SPMAP2L: variants seen among roughly 807,000 people sequenced by gnomAD.
SPMAP2L encodes sperm microtubule associated protein 2 like.
chr4:56,605,756 T>C, the SPMAP2L span, among the ~76,000 whole-genome samples: 1,341 of 152,266 alleles, frequency 8.8e-3, 20 homozygotes, highest in African/African-American at 0.03. Context: ...CCCAATTAAC[T>C]GATAAGGTAC....
the SPMAP2L span, among the ~76,000 whole-genome samples, chr4:56,574,024 C>T: frequency 6.6e-6 from 1 of 152,068 alleles, no homozygotes; most frequent in Non-Finnish European, 1.5e-5. Context: ...AGTGGGACTG[C>T]AATTTGAGTT....
chr4:56,593,375 G>A, the SPMAP2L span: 5 of 1,253,562 alleles, frequency 4.0e-6, no homozygotes, highest in African/African-American at 5.9e-5. Context: ...AAATATACTG[G>A]AGTCCTCATT....
the SPMAP2L span, among the ~76,000 whole-genome samples, chr4:56,555,807 G>A: frequency 6.6e-6 from 1 of 151,912 alleles, no homozygotes. Flanking sequence ...TATTAATGCT[G>A]TATCTTGCAA....
At chr4:56,572,996 AC>A in the SPMAP2L span, among the ~76,000 whole-genome samples, 1 of 150,326 alleles carries the variant, frequency 6.7e-6, no homozygotes, top group East Asian at 2.0e-4. Flanking sequence ...AGCCTGGGCG[AC>A]AGAGCAAGAC....
the SPMAP2L span, among the ~76,000 whole-genome samples, chr4:56,578,635 A>G: frequency 6.6e-6 from 1 of 152,198 alleles, no homozygotes; most frequent in Admixed American, 6.5e-5. Flanking sequence ...AAATAGACTG[A>G]AAGTAAAAAA....
At chr4:56,536,009 G>A in the SPMAP2L span, among the ~76,000 whole-genome samples, 3 of 152,224 alleles carry the variant, frequency 2.0e-5, no homozygotes, top group African/African-American at 4.8e-5. Flanking sequence ...ATGCGCACGC[G>A]CAGTTCACGA....
chr4:56,581,759 T>C, the SPMAP2L span, among the ~76,000 whole-genome samples: 1 of 152,218 alleles, frequency 6.6e-6, no homozygotes, highest in Non-Finnish European at 1.5e-5. Context: ...GACAGTTTTC[T>C]CATTTCAAAA....
At chr4:56,595,317 T>G in the SPMAP2L span, 10 of 1,611,898 alleles carry the variant, frequency 6.2e-6, no homozygotes, top group Non-Finnish European at 8.5e-6. Flanking sequence ...GACTCCAGGA[T>G]TATGGATTTC....
At chr4:56,530,729 G>A in the SPMAP2L span, 1 of 1,535,344 alleles carries the variant, frequency 6.5e-7, no homozygotes, top group South Asian at 1.2e-5. Flanking sequence ...GTGACCGATG[G>A]GCAGGTCTCA....
the SPMAP2L span, chr4:56,530,941 T>A: frequency 6.5e-7 from 1 of 1,535,130 alleles, no homozygotes; most frequent in Non-Finnish European, 8.7e-7. Flanking sequence ...CCACGCTCCC[T>A]ATGCGCCCCA....
At chr4:56,603,119 A>T in the SPMAP2L span, 2 of 766,990 alleles carry the variant, frequency 2.6e-6, no homozygotes, top group Non-Finnish European at 4.0e-6. Context: ...ATAATATCAT[A>T]GTACATAACA....
At chr4:56,548,245 T>TA in the SPMAP2L span, among the ~76,000 whole-genome samples, 2 of 152,038 alleles carry the variant, frequency 1.3e-5, no homozygotes, top group African/African-American at 2.4e-5. Flanking sequence ...CTGTTTTTTT[T>TA]ACCTTTCCTG....
At chr4:56,622,178 T>C in the SPMAP2L span, among the ~76,000 whole-genome samples, 110 of 152,376 alleles carry the variant, frequency 7.2e-4, 1 homozygote, top group African/African-American at 2.2e-3. Flanking sequence ...CCTATTAATT[T>C]TTTTACAAAA....
the SPMAP2L span, among the ~76,000 whole-genome samples, chr4:56,574,703 G>A: frequency 6.6e-6 from 1 of 151,936 alleles, no homozygotes; most frequent in Non-Finnish European, 1.5e-5. Context: ...GTAATTGCCA[G>A]GCATGGTGGC....
the SPMAP2L span, among the ~76,000 whole-genome samples, chr4:56,598,959 G>A: frequency 9.0e-3 from 1,363 of 152,076 alleles, 11 homozygotes; most frequent in Middle Eastern, 0.044. Flanking sequence ...CCCTTCGCTG[G>A]GCTCTTACGG....
chr4:56,579,502 G>A, the SPMAP2L span, among the ~76,000 whole-genome samples: 1 of 152,044 alleles, frequency 6.6e-6, no homozygotes, highest in African/African-American at 2.4e-5. Flanking sequence ...GGGCATGGTG[G>A]TTCACATCTG....
chr4:56,593,354 A>G, the SPMAP2L span: 2 of 1,192,950 alleles, frequency 1.7e-6, no homozygotes, highest in East Asian at 4.7e-5. Flanking sequence ...GCTGTTGTCC[A>G]GACTCGAGCC....
chr4:56,583,774 G>A, the SPMAP2L span, among the ~76,000 whole-genome samples: 1 of 152,050 alleles, frequency 6.6e-6, no homozygotes, highest in African/African-American at 2.4e-5. Context: ...GGTATAGAAT[G>A]AAGTGTTTTT....
the SPMAP2L span, among the ~76,000 whole-genome samples, chr4:56,585,734 T>C: frequency 6.6e-6 from 1 of 152,236 alleles, no homozygotes; most frequent in Non-Finnish European, 1.5e-5. Context: ...ACTGCACTTA[T>C]TTATTTCACT....
Sources: gnomAD v4.1 joint callset for allele counts (sites outside exome capture counted in the v4.1 genomes callset) on GRCh38, gnomAD v4.1.1 for gene constraint, MANE v1.5 for transcripts, NCBI Gene and HGNC (gene_info 2026-07-23, HGNC 2026-07-21) for gene names.